SMARCA2: variants seen among roughly 807,000 people sequenced by gnomAD.
SMARCA2 encodes the protein SWI/SNF-related matrix-associated actin-dependent regulator of chromatin subfamily A member 2.
SMARCA2 carries 61 observed loss-of-function variants against 199.8 expected under a neutral mutation model. The ratio of observed to expected loss-of-function variants is 0.31; its 90% CI spans 0.25 to 0.38. The LOEUF is 0.38. SMARCA2 is among the 10% of genes least tolerant of loss of function. The pLI, the probability that SMARCA2 is intolerant of heterozygous loss-of-function variation, is 1.00. For synonymous variants in SMARCA2, 935 were observed against 732.0 expected (o/e 1.28, Z -4.48); for missense variants, 1,344 against 2,012.2 (o/e 0.67, Z 6.35).
intron 10 of SMARCA2, among the ~76,000 whole-genome samples, chr9:2,071,875 G>A (rs540489541): frequency 1.6e-4 from 25 of 152,324 alleles, no homozygotes; most frequent in African/African-American, 6.0e-4. Flanking sequence ...TTACATTAAT[G>A]AGGAAGAAGT....
In SMARCA2 at chr9:2,161,949, C is replaced by CTCACT; in HGVS notation, c.4199+46_4199+47insTCACT. 1 of 1,502,694 alleles carries CTCACT rather than the reference C, an allele frequency of 6.7e-7. No homozygotes were observed. The highest frequency in any genetic ancestry group is 9.2e-7 in the Non-Finnish European group (1 of 1,085,964). The allele number at this position is 1,502,694 out of a possible 1,614,324, so 93.1% of individuals were successfully genotyped here. The stretch of plus-strand genomic sequence containing the variant: ...CCTTGATCATCTCTCACCAAGACGC[C>CTCACT]GAGTGGCGCTCCCTGAGGAGCAGGA... On this transcript the variant is annotated intron_variant, in intron 28 of 33. Transcript: ENST00000349721. The surrounding 1 kb of genome is among the most constrained non-coding windows in gnomAD (Gnocchi z 4.7).
chr9:2,017,667 AGCGGCGGGGGCCGGGC>A lies in SMARCA2; in HGVS notation c.-37+2264_-37+2279del, dbSNP rs1331050824. On this transcript the variant is annotated intron_variant, in intron 1 of 33. Transcript: ENST00000349721. The surrounding 1 kb of genome is among the most constrained non-coding windows in gnomAD (Gnocchi z 8.8). ...TGACGCGCGCGAGGGAGGAAGCGGC[AGCGGCGGGGGCCGGGC>A]CGCGGGCTGTGGCGCGGGCCTAGAG... 6.6e-6 allele frequency: 1 copy of A among 152,222 alleles called. No homozygotes were observed. The highest frequency in any genetic ancestry group is 1.5e-5 in the Non-Finnish European group (1 of 68,108). 9.4% of individuals were successfully genotyped at this position (152,222 alleles called of 1,614,324 possible).
chr9:2,045,953 A>T (rs1819823939), intron 4 of SMARCA2: 1 of 151,950 alleles, frequency 6.6e-6, no homozygotes, highest in African/African-American at 2.4e-5. Flanking sequence ...CTTTCTTTGT[A>T]TTGTCATTTA....
At position 2,104,897 on chromosome 9, in the gene SMARCA2, C is replaced by G. The variant is rs745678973; in HGVS notation, c.3292+728C>G. On this transcript the variant is annotated intron_variant, in intron 23 of 33. Coordinates refer to ENST00000349721, the MANE Select transcript of SMARCA2 (RefSeq NM_003070.5). The surrounding 1 kb of genome is among the most constrained non-coding windows in gnomAD (Gnocchi z 4.0). ...AATGGAAGGGCATAAATATGGCATT[C>G]AAAGAGTGGTAAGTAGGAATAGAAG... 6.6e-6 allele frequency among the ~76,000 whole-genome samples: 1 copy of G among 152,054 alleles called. No homozygotes were observed. The highest frequency in any genetic ancestry group is 2.4e-5 in the African/African-American group (1 of 41,390).
At chr9:2,018,449 T>A (rs1818460274) in intron 1 of SMARCA2, among the ~76,000 whole-genome samples, 1 of 152,216 alleles carries the variant, frequency 6.6e-6, no homozygotes, top group Non-Finnish European at 1.5e-5. Flanking sequence ...GTGTCATCAT[T>A]GTCTCCTTTC....
At chr9:2,103,871 T>A (rs1822639259) in intron 22 of SMARCA2, 132 bp from the exon 23 acceptor site, 1 of 673,518 alleles carries the variant, frequency 1.5e-6, no homozygotes, top group Non-Finnish European at 2.5e-6. Flanking sequence ...ATTCATTCAT[T>A]CATTCATTTC....
intron 18 of SMARCA2, chr9:2,087,434 CT>C (rs1821849781): frequency 5.5e-6 from 1 of 182,512 alleles, no homozygotes; most frequent in Admixed American, 5.5e-5. Flanking sequence ...TAAATACAAG[CT>C]TTAAACAAAT....
intron 17 of SMARCA2, chr9:2,085,823 C>T (rs909597383): frequency 3.3e-5 from 5 of 152,234 alleles, no homozygotes; most frequent in African/African-American, 1.2e-4. Flanking sequence ...GACATCTGAG[C>T]ACCAGATGTT....
chr9:2,192,271 A>G, intron 33 of SMARCA2: 1 of 174,810 alleles, frequency 5.7e-6, no homozygotes, highest in Non-Finnish European at 1.2e-5. Context: ...TTCCTTCAAC[A>G]CATTACCATT....
At chr9:2,124,181 C>T (rs923644179) in intron 27 of SMARCA2, among the ~76,000 whole-genome samples, 3 of 152,272 alleles carry the variant, frequency 2.0e-5, no homozygotes, top group East Asian at 3.9e-4. Flanking sequence ...GGATTTTTTG[C>T]TAGAGCAGAA....
Position 2,191,211 on chromosome 9 carries a change from CA to C in SMARCA2, c.4595-52del. 1.9e-6 allele frequency: 3 copies of C among 1,567,810 alleles called. No individual in the cohort carries two copies. The South Asian group carries it at 3.4e-5, about 18-fold the overall frequency. ...GTTGGTGATAGTCTTACCACCTATACAAAGATCTCCTTGTGATTACTCACTG... is the reference window on the plus strand; with the variant it reads ...GTTGGTGATAGTCTTACCACCTATACAAGATCTCCTTGTGATTACTCACTG... On this transcript the variant is annotated intron_variant, in intron 32 of 33. Transcript: ENST00000349721.
chr9:2,065,978 G>C (rs1820820646), intron 9 of SMARCA2, among the ~76,000 whole-genome samples: 1 of 152,184 alleles, frequency 6.6e-6, no homozygotes. Context: ...TTCTCTATAA[G>C]AAACAACCCA....
chr9:2,165,064 G>A (rs1373674692), intron 28 of SMARCA2, among the ~76,000 whole-genome samples: 3 of 152,198 alleles, frequency 2.0e-5, no homozygotes, highest in Non-Finnish European at 4.4e-5. Context: ...GCTGCTGGGA[G>A]ATGTACATTT....
Position 2,056,015 on chromosome 9 carries a change from T to C in SMARCA2, c.1174-657T>C, listed in dbSNP as rs1820337242. Among the ~76,000 whole-genome samples, 1 of 152,242 alleles carries C rather than the reference T, an allele frequency of 6.6e-6. No homozygotes were observed. The highest frequency in any genetic ancestry group is 2.1e-4 in the South Asian group (1 of 4,834). On this transcript the variant is annotated intron_variant, in intron 6 of 33. Transcript: ENST00000349721. This position sits in a 1 kb window ranked among gnomAD's most constrained non-coding sequence, Gnocchi z 4.0. Reference sequence around the variant, plus strand: ...CAGATGCAGTGGAATGATTATTTAATGTGTATTCTCCAGTCCCTACCCCCT... The same window carrying C: ...CAGATGCAGTGGAATGATTATTTAACGTGTATTCTCCAGTCCCTACCCCCT...
In SMARCA2 at chr9:2,170,618, C is replaced by A; in HGVS notation, c.4253+146C>A. On this transcript the variant is annotated intron_variant, in intron 29 of 33. Coordinates refer to ENST00000349721, the MANE Select transcript of SMARCA2 (RefSeq NM_003070.5). The surrounding 1 kb of genome is among the most constrained non-coding windows in gnomAD (Gnocchi z 4.7). ...CTACTTGGAGAGCGGGATAGAGGCA[C>A]AGATACTCTTAAACAGCTGTCATGG... 3.0e-6 allele frequency: 4 copies of A among 1,325,756 alleles called. No homozygotes were observed. Among genetic ancestry groups the A allele is most frequent in the Non-Finnish European group, 4.2e-6 (4 of 957,126 alleles). The allele number at this position is 1,325,756 out of a possible 1,614,324, so 82.1% of individuals were successfully genotyped here.
intron 26 of SMARCA2, among the ~76,000 whole-genome samples, chr9:2,120,345 T>C (rs1823402046): frequency 6.6e-6 from 1 of 152,132 alleles, no homozygotes; most frequent in Admixed American, 6.5e-5. Flanking sequence ...GAGGTAGGTG[T>C]ACTGGAGATG....
At chr9:2,062,687 A>G (rs768838541) in intron 9 of SMARCA2, among the ~76,000 whole-genome samples, 4 of 152,104 alleles carry the variant, frequency 2.6e-5, no homozygotes, top group African/African-American at 4.8e-5. Context: ...CTTGCACTCA[A>G]CATGTGTTAA....
chr9:2,100,743 T>C (rs367892069), intron 21 of SMARCA2, among the ~76,000 whole-genome samples: 1 of 152,030 alleles, frequency 6.6e-6, no homozygotes, highest in East Asian at 1.9e-4. Context: ...CTAAGAATTA[T>C]AATATATTAT....
chr9:2,123,418 C>T lies in SMARCA2; in HGVS notation c.3763-301C>T, dbSNP rs1486328378. Among the ~76,000 whole-genome samples, 3 of 152,162 alleles carry T rather than the reference C, an allele frequency of 2.0e-5. No individual in the cohort carries two copies. Among genetic ancestry groups the T allele is most frequent in the Non-Finnish European group, 4.4e-5 (3 of 68,026 alleles). On this transcript the variant is annotated intron_variant, in intron 26 of 33. Transcript: ENST00000349721. The surrounding 1 kb of genome is among the most constrained non-coding windows in gnomAD (Gnocchi z 4.1). ...TGCATTCCCAATTTGAATTTTTCCA[C>T]TATTACTTTAAAGAGGGAGCTTTGC...
Sources: gnomAD v4.1 joint callset for allele counts (sites outside exome capture counted in the v4.1 genomes callset) on GRCh38, gnomAD v4.1.1 for gene constraint, Gnocchi (gnomAD v3.1) non-coding constraint, MANE v1.5 for transcripts, NCBI Gene and HGNC (gene_info 2026-07-23, HGNC 2026-07-21) for gene names.